Variants in PLEKHM3 observed in about 807,000 individuals in gnomAD.
The protein encoded by PLEKHM3 is pleckstrin homology domain containing M3, also known as pleckstrin homology domain-containing family M member 3.
A neutral mutation model predicts 81.8 loss-of-function variants in PLEKHM3; 45 were observed. The observed-to-expected ratio is 0.55, with a 90% CI of 0.43 to 0.71. The LOEUF (loss-of-function observed/expected upper bound fraction) is 0.71. Among genes scored for constraint, PLEKHM3 ranks in the 30% least tolerant of loss-of-function variants. The pLI is 0.00. For missense variants in PLEKHM3, 788 were observed against 924.3 expected, an observed-to-expected ratio of 0.85 and a Z score of 1.91; for synonymous variants, 352 against 356.4, an observed-to-expected ratio of 0.99 and a Z score of 0.14.
chr2:207,938,892 T>C (rs2105954702), intron 4 of PLEKHM3, among the ~76,000 whole-genome samples: 1 of 152,360 alleles, frequency 6.6e-6, no homozygotes, highest in East Asian at 1.9e-4. Context: ...GCTAAATTGG[T>C]GATTTCTGTG....
intron 1 of PLEKHM3, among the ~76,000 whole-genome samples, chr2:208,002,968 T>C (rs1396283966): frequency 6.6e-6 from 1 of 151,866 alleles, no homozygotes; most frequent in Non-Finnish European, 1.5e-5. Context: ...TAACTACTTA[T>C]AAGTAGGCAA....
chr2:207,960,801 A>T (rs977835648), intron 3 of PLEKHM3, among the ~76,000 whole-genome samples: 18 of 152,228 alleles, frequency 1.2e-4, no homozygotes, highest in Admixed American at 1.2e-3. Context: ...TCCCTAGCCT[A>T]ACAATGGATG....
At chr2:207,878,382 G>T (rs1379864714) in intron 6 of PLEKHM3, among the ~76,000 whole-genome samples, 3 of 152,128 alleles carry the variant, frequency 2.0e-5, no homozygotes. Context: ...GCAGAGGCGG[G>T]CGAATCACCT....
intron 1 of PLEKHM3, among the ~76,000 whole-genome samples, chr2:208,015,523 T>C (rs6727851): frequency 8.1e-4 from 124 of 152,342 alleles, no homozygotes; most frequent in African/African-American, 2.5e-3. Flanking sequence ...TTATAAGTTC[T>C]CTACGGGAAT....
chr2:207,945,641 C>T (rs1265922533), intron 4 of PLEKHM3, among the ~76,000 whole-genome samples: 1 of 152,130 alleles, frequency 6.6e-6, no homozygotes. Context: ...GTGGCTCATG[C>T]CTGTAATCTC....
intron 5 of PLEKHM3, among the ~76,000 whole-genome samples, chr2:207,925,546 AG>A (rs1295892804): frequency 6.6e-6 from 1 of 152,258 alleles, no homozygotes; most frequent in African/African-American, 2.4e-5. Flanking sequence ...TCTCCAGGTG[AG>A]AAAACTGGCT....
intron 5 of PLEKHM3, among the ~76,000 whole-genome samples, chr2:207,916,470 T>G (rs1387802358): frequency 6.6e-6 from 1 of 152,200 alleles, no homozygotes; most frequent in Non-Finnish European, 1.5e-5. Flanking sequence ...CCGGGCACGG[T>G]GGCTCACATC....
At chr2:207,929,891 G>A in intron 5 of PLEKHM3, 1 of 699,900 alleles carries the variant, frequency 1.4e-6, no homozygotes, top group Non-Finnish European at 2.6e-6. Context: ...AGGCAGGTAG[G>A]CTTACCTCCA....
rs554395400 is a variant in PLEKHM3 at position 207,823,162 on chromosome 2, G to A, written c.*5157C>T. 2.0e-5 allele frequency: 3 copies of A among 152,222 alleles called. No individual in the cohort carries two copies. The highest frequency in any genetic ancestry group is 7.2e-5 in the African/African-American group (3 of 41,530). 9.4% of individuals were successfully genotyped at this position (152,222 alleles called of 1,614,324 possible). A position where few individuals can be genotyped will look rare whatever the true frequency, so the allele number is the denominator to read the frequency against. ...CAAAGTCTTGTCTTTCTAACAAGAC[G>A]AACAGGCAGTGGCTTCTCTTTTCAC... On this transcript the variant is annotated 3_prime_UTR_variant, in exon 8 of 8. Coordinates refer to ENST00000427836, the MANE Select transcript of PLEKHM3 (RefSeq NM_001080475.3).
chr2:207,990,695 A>C (rs1166260169), intron 2 of PLEKHM3, among the ~76,000 whole-genome samples: 1 of 152,182 alleles, frequency 6.6e-6, no homozygotes, highest in Non-Finnish European at 1.5e-5. Flanking sequence ...GCACATATTT[A>C]ATATGCTCCA....
chr2:207,893,618 G>T (rs1160814327), intron 6 of PLEKHM3, among the ~76,000 whole-genome samples: 1 of 151,980 alleles, frequency 6.6e-6, no homozygotes, highest in East Asian at 1.9e-4. Context: ...CAATGGAAGG[G>T]GATAGGAATT....
At chr2:207,918,631 A>G (rs1689078865) in intron 5 of PLEKHM3, among the ~76,000 whole-genome samples, 1 of 152,232 alleles carries the variant, frequency 6.6e-6, no homozygotes, top group African/African-American at 2.4e-5. Flanking sequence ...ATATGCATCA[A>G]AGTGGTAGGA....
intron 1 of PLEKHM3, among the ~76,000 whole-genome samples, chr2:208,008,066 T>TA (rs1692556482): frequency 6.6e-6 from 1 of 150,530 alleles, no homozygotes; most frequent in Admixed American, 6.6e-5. Flanking sequence ...AATAAATAAA[T>TA]AAATAAAACT....
At chr2:207,967,678 C>T (rs979245868) in intron 3 of PLEKHM3, among the ~76,000 whole-genome samples, 12 of 152,128 alleles carry the variant, frequency 7.9e-5, no homozygotes, top group Admixed American at 6.5e-4. Context: ...GGGCAAGAAC[C>T]GCAAATTACT....
At chr2:207,837,623 T>A (rs1403519026) in intron 7 of PLEKHM3, among the ~76,000 whole-genome samples, 6 of 140,824 alleles carry the variant, frequency 4.3e-5, no homozygotes, top group Non-Finnish European at 6.1e-5. Flanking sequence ...AAAATTACAA[T>A]AGTTCTCCCT....
At chr2:207,844,448 G>A (rs1240852155) in intron 7 of PLEKHM3, among the ~76,000 whole-genome samples, 7 of 131,398 alleles carry the variant, frequency 5.3e-5, no homozygotes, top group African/African-American at 1.6e-4. Context: ...GACTACAGGC[G>A]CCCACCACCA....
At chr2:207,930,548 G>A (rs931680054) in intron 5 of PLEKHM3, among the ~76,000 whole-genome samples, 1 of 151,974 alleles carries the variant, frequency 6.6e-6, no homozygotes, top group Non-Finnish European at 1.5e-5. Flanking sequence ...ATTTTTTGCT[G>A]ATGAGAAACA....
At chr2:207,913,996 A>C (rs1007115081) in intron 5 of PLEKHM3, among the ~76,000 whole-genome samples, 2 of 152,004 alleles carry the variant, frequency 1.3e-5, no homozygotes, top group African/African-American at 4.8e-5. Flanking sequence ...CACACACCCC[A>C]CACACAGTAT....
Position 207,946,498 on chromosome 2 carries a change from T to C in PLEKHM3, c.1561A>G (p.Ile521Val). Residue 521 changes from isoleucine (I) to valine (V), a missense_variant, in exon 4 of 8, where the codon ATA becomes GTA. Physicochemically the swap from Ile to Val is conservative, Grantham distance 29 (BLOSUM62 3). Coordinates refer to ENST00000427836, the MANE Select transcript of PLEKHM3 (RefSeq NM_001080475.3). ...TTGGCTTTCCCATTGGAAAGACCTA[T>C]GGATCGCTGGCAGCCTGTTCAAGGA... Reference protein sequence around the residue: ...SFKCAGCQRSIGLSNGKAKVC... With the variant: ...SFKCAGCQRSVGLSNGKAKVC... The C allele has an allele frequency of 6.2e-7, 1 of 1,614,044 alleles. No homozygotes were observed. Among genetic ancestry groups the C allele is most frequent in the South Asian group, 1.1e-5 (1 of 91,056 alleles).
Sources: gnomAD v4.1 joint callset for allele counts (sites outside exome capture counted in the v4.1 genomes callset) on GRCh38, gnomAD v4.1.1 for gene constraint, MANE v1.5 for transcripts, NCBI Gene and HGNC (gene_info 2026-07-23, HGNC 2026-07-21) for gene names.